The following NKAIN2 variants were observed in gnomAD, a reference collection of about 807,000 sequenced individuals.
The protein encoded by NKAIN2 is sodium/potassium-transporting ATPase subunit beta-1-interacting protein 2.
NKAIN2 carries 14 observed loss-of-function variants against 32.6 expected under a neutral mutation model. The observed-to-expected ratio is 0.43, with a 90% CI of 0.28 to 0.67. The LOEUF (loss-of-function observed/expected upper bound fraction) is 0.67, where lower values mean the gene tolerates loss of function less well. NKAIN2 is among the 30% of genes least tolerant of loss of function. The pLI is 0.17. For missense variants in NKAIN2, 198 were observed against 258.3 expected (o/e 0.77, Z 1.60); for synonymous variants, 80 against 87.2 (o/e 0.92, Z 0.46).
chr6:124,326,304 T>C lies in NKAIN2; in HGVS notation c.193-28963T>C, dbSNP rs548268718. 2.0e-5 allele frequency among the ~76,000 whole-genome samples: 3 copies of C among 152,208 alleles called. No homozygotes were observed. In the South Asian group the frequency reaches 6.2e-4, roughly 32 times the overall value. The stretch of plus-strand genomic sequence containing the variant: ...GTGATTTTACTTTCATCTTTATCTT[T>C]CTAGTTTTTAAAAAAATATAATTTT... On this transcript the variant is annotated intron_variant, in intron 2 of 6. Transcript: ENST00000368417.
chr6:124,049,493 A>G (rs1400475089), intron 1 of NKAIN2, among the ~76,000 whole-genome samples: 1 of 151,990 alleles, frequency 6.6e-6, no homozygotes. Context: ...CCATCAAAGT[A>G]CCCATTTATC....
intron 4 of NKAIN2, among the ~76,000 whole-genome samples, chr6:124,730,597 C>T (rs1332810587): frequency 2.2e-5 from 3 of 138,962 alleles, no homozygotes; most frequent in African/African-American, 8.0e-5. Context: ...GACCTAAAAC[C>T]ATAAAAACCC....
chr6:123,909,091 CTTTT>C (rs1775033683), intron 1 of NKAIN2, among the ~76,000 whole-genome samples: 1 of 151,376 alleles, frequency 6.6e-6, no homozygotes, highest in African/African-American at 2.4e-5. Context: ...CATTTTTTTT[CTTTT>C]TTAATTAAGT....
rs777466801 is a variant in NKAIN2 at position 123,849,949 on chromosome 6, G to GTTTTTTTTTTTTTTTTTTTTTTT, written c.54+45707_54+45708insTTTTTTTTTTTTTTTTTTTTTTT. Among the ~76,000 whole-genome samples, 20 of 38,728 alleles carry GTTTTTTTTTTTTTTTTTTTTTTT rather than the reference G, an allele frequency of 5.2e-4. 2 individuals are homozygous for GTTTTTTTTTTTTTTTTTTTTTTT. Among genetic ancestry groups the GTTTTTTTTTTTTTTTTTTTTTTT allele is most frequent in the Admixed American group, 8.0e-4 (2 of 2,492 alleles). The allele number at this position is 38,728 out of a possible 152,430, so 25.4% of individuals were successfully genotyped here. A position where few individuals can be genotyped will look rare whatever the true frequency, so the allele number is the denominator to read the frequency against. On this transcript the variant is annotated intron_variant, in intron 1 of 6. Transcript: ENST00000368417. ...TGGTTTCACTCTGTAACTCAGGCTG[G>GTTTTTTTTTTTTTTTTTTTTTTT]TTTTTTTTTTTTGTTTGTTTGTTTT...
intron 4 of NKAIN2, among the ~76,000 whole-genome samples, chr6:124,741,155 G>A (rs1178708065): frequency 2.0e-5 from 3 of 151,574 alleles, no homozygotes; most frequent in Admixed American, 6.6e-5. Context: ...TGTAGTTAGA[G>A]GAGGAAAATC....
chr6:123,878,376 ACTATT>A (rs1773276714), intron 1 of NKAIN2, among the ~76,000 whole-genome samples: 1 of 152,104 alleles, frequency 6.6e-6, no homozygotes, highest in Non-Finnish European at 1.5e-5. Flanking sequence ...ATTAGGTTCA[ACTATT>A]CTATTATTTT....
chr6:124,264,113 A>C (rs1794374515), intron 1 of NKAIN2, among the ~76,000 whole-genome samples: 2 of 152,224 alleles, frequency 1.3e-5, no homozygotes, highest in African/African-American at 4.8e-5. Flanking sequence ...ACAAAGTAAA[A>C]GTTTATTTTA....
At chr6:124,746,165 C>G (rs2114699956) in intron 4 of NKAIN2, among the ~76,000 whole-genome samples, 1 of 151,876 alleles carries the variant, frequency 6.6e-6, no homozygotes, top group South Asian at 2.1e-4. Flanking sequence ...GGGGTTGGGC[C>G]AGTTACTTAA....
At chr6:123,815,028 C>T (rs141623179) in intron 1 of NKAIN2, among the ~76,000 whole-genome samples, 28 of 151,982 alleles carry the variant, frequency 1.8e-4, no homozygotes, top group African/African-American at 5.5e-4. Flanking sequence ...TGTCCACATA[C>T]GAATAGCATA....
intron 4 of NKAIN2, among the ~76,000 whole-genome samples, chr6:124,784,443 AT>A (rs1176210180): frequency 6.6e-6 from 1 of 152,072 alleles, no homozygotes; most frequent in Non-Finnish European, 1.5e-5. Context: ...CTACAGTTTT[AT>A]TATGTCAAGA....
At chr6:124,150,071 G>A (rs777709883) in intron 1 of NKAIN2, among the ~76,000 whole-genome samples, 6 of 151,970 alleles carry the variant, frequency 3.9e-5, no homozygotes, top group Admixed American at 6.6e-5. Context: ...TATTCCTTGC[G>A]CTCTGCCTCA....
intron 1 of NKAIN2, among the ~76,000 whole-genome samples, chr6:124,269,437 C>A (rs773062278): frequency 3.7e-4 from 20 of 53,410 alleles, no homozygotes; most frequent in Non-Finnish European, 5.6e-4. Flanking sequence ...TTTTTCTTTT[C>A]TTTCTTTCTT....
At chr6:124,197,837 G>GTT (rs71541243) in intron 1 of NKAIN2, among the ~76,000 whole-genome samples, 14 of 94,416 alleles carry the variant, frequency 1.5e-4, no homozygotes, top group African/African-American at 2.3e-4. Flanking sequence ...CCTGTGTCTG[G>GTT]TTTTTTTTTT....
intron 3 of NKAIN2, among the ~76,000 whole-genome samples, chr6:124,415,277 A>G (rs796130549): frequency 2.6e-5 from 4 of 151,892 alleles, no homozygotes; most frequent in Admixed American, 2.6e-4. Flanking sequence ...TGGGGATCCC[A>G]CTCTCCCCTT....
At chr6:124,646,164 A>C (rs1209257036) in intron 3 of NKAIN2, among the ~76,000 whole-genome samples, 2 of 152,202 alleles carry the variant, frequency 1.3e-5, no homozygotes, top group African/African-American at 2.4e-5. Context: ...AGCAAAAGCA[A>C]TGTAGAAAAT....
At chr6:123,959,925 ATGTG>A (rs6149793) in intron 1 of NKAIN2, among the ~76,000 whole-genome samples, 16,286 of 141,080 alleles carry the variant, frequency 0.12, 937 homozygotes, top group Non-Finnish European at 0.12. Flanking sequence ...TCTTCCATAT[ATGTG>A]TGTGTGTGTG....
chr6:124,073,112 G>T (rs975835046), intron 1 of NKAIN2, among the ~76,000 whole-genome samples: 11 of 152,216 alleles, frequency 7.2e-5, no homozygotes, highest in African/African-American at 2.4e-4. Context: ...TTCTACAAAA[G>T]TTCAGTGATG....
intron 3 of NKAIN2, among the ~76,000 whole-genome samples, chr6:124,556,749 C>T (rs1030112674): frequency 1.3e-5 from 2 of 152,128 alleles, no homozygotes; most frequent in Non-Finnish European, 2.9e-5. Context: ...ACATGTTTTA[C>T]AGCTGATAAA....
intron 1 of NKAIN2, among the ~76,000 whole-genome samples, chr6:124,023,949 G>A (rs994772355): frequency 2.5e-4 from 38 of 152,008 alleles, no homozygotes; most frequent in Admixed American, 5.2e-4. Context: ...TAGAAAAATC[G>A]TCTAAGATTT....
Sources: gnomAD v4.1 joint callset for allele counts (sites outside exome capture counted in the v4.1 genomes callset) on GRCh38, gnomAD v4.1.1 for gene constraint, MANE v1.5 for transcripts, NCBI Gene and HGNC (gene_info 2026-07-23, HGNC 2026-07-21) for gene names.